Variants in INPP4B observed in about 807,000 individuals in gnomAD.
The protein encoded by INPP4B is inositol polyphosphate-4-phosphatase type II B.
INPP4B carries 55 observed loss-of-function variants against 122.5 expected under a neutral mutation model. The ratio of observed to expected loss-of-function variants is 0.45; its 90% CI spans 0.36 to 0.56. The LOEUF (loss-of-function observed/expected upper bound fraction) is 0.56, where lower values mean the gene tolerates loss of function less well. INPP4B is among the 20% of genes least tolerant of loss of function. The pLI, the probability that INPP4B is intolerant of heterozygous loss-of-function variation, is 0.00. For synonymous variants in INPP4B, 403 were observed against 388.7 expected (o/e 1.04, Z -0.43); for missense variants, 1,000 against 1,097.7 (o/e 0.91, Z 1.26).
At chr4:142,683,538 G>C (rs1444110399) in intron 2 of INPP4B, among the ~76,000 whole-genome samples, 1 of 151,516 alleles carries the variant, frequency 6.6e-6, no homozygotes, top group African/African-American at 2.4e-5. Flanking sequence ...AGCAGGACTA[G>C]TTTCATTCCC....
chr4:142,210,676 T>G (rs939088462), intron 12 of INPP4B, among the ~76,000 whole-genome samples: 5 of 152,264 alleles, frequency 3.3e-5, no homozygotes, highest in African/African-American at 1.2e-4. Flanking sequence ...CAACTTAATA[T>G]GCAAAGTTTC....
At chr4:142,358,280 T>C (rs1174132306) in intron 7 of INPP4B, among the ~76,000 whole-genome samples, 3 of 151,934 alleles carry the variant, frequency 2.0e-5, no homozygotes, top group Non-Finnish European at 4.4e-5. Flanking sequence ...ATTCTAGAGG[T>C]ATGCATTCCA....
At chr4:142,702,730 CAAAAAAAA>C (rs35472471) in intron 2 of INPP4B, among the ~76,000 whole-genome samples, 1 of 64,326 alleles carries the variant, frequency 1.6e-5, no homozygotes, top group Non-Finnish European at 2.9e-5. Flanking sequence ...AACTCCGTCT[CAAAAAAAA>C]AAAAAAAAAA....
chr4:142,479,793 C>A (rs1274231748), intron 2 of INPP4B, among the ~76,000 whole-genome samples: 1 of 152,020 alleles, frequency 6.6e-6, no homozygotes, highest in Admixed American at 6.6e-5. Flanking sequence ...GGAATAGATA[C>A]TGGGGCCTAT....
At chr4:142,460,022 T>C (rs1405584812) in intron 3 of INPP4B, among the ~76,000 whole-genome samples, 1 of 152,194 alleles carries the variant, frequency 6.6e-6, no homozygotes, top group African/African-American at 2.4e-5. Context: ...GTCTTAGATA[T>C]ATGTTCTCAA....
intron 2 of INPP4B, among the ~76,000 whole-genome samples, chr4:142,647,902 A>G (rs2150519000): frequency 6.6e-6 from 1 of 152,304 alleles, no homozygotes; most frequent in Middle Eastern, 3.4e-3. Context: ...GTTGTTTTCC[A>G]CCGTTTGTAG....
intron 2 of INPP4B, among the ~76,000 whole-genome samples, chr4:142,713,843 T>C (rs956730102): frequency 6.6e-6 from 1 of 152,182 alleles, no homozygotes; most frequent in Non-Finnish European, 1.5e-5. Context: ...CAAATGCTAA[T>C]GTGTTAAAGT....
chr4:142,146,511 A>C (rs533613330), intron 17 of INPP4B, among the ~76,000 whole-genome samples: 1 of 152,190 alleles, frequency 6.6e-6, no homozygotes, highest in African/African-American at 2.4e-5. Context: ...CCTAGACTGA[A>C]ACTCTGCACC....
At chr4:142,826,531 GCTAA>G (rs72509135) in intron 1 of INPP4B, among the ~76,000 whole-genome samples, 34,509 of 151,330 alleles carry the variant, frequency 0.23, 4,137 homozygotes, top group South Asian at 0.33. Context: ...TAAAACCAAA[GCTAA>G]CAAACAAAAC....
At chr4:142,669,856 G>A (rs141169403) in intron 2 of INPP4B, among the ~76,000 whole-genome samples, 96 of 152,196 alleles carry the variant, frequency 6.3e-4, no homozygotes, top group African/African-American at 2.0e-3. Context: ...GCCAGAAGAT[G>A]GAGAAAAGGG....
intron 16 of INPP4B, among the ~76,000 whole-genome samples, chr4:142,168,851 C>T (rs376300017): frequency 2.9e-4 from 44 of 151,596 alleles, no homozygotes; most frequent in African/African-American, 1.0e-3. Context: ...CAATCTTGGC[C>T]TCCCAAACTC....
intron 21 of INPP4B, among the ~76,000 whole-genome samples, chr4:142,114,748 T>G (rs62328207): frequency 2.0e-5 from 3 of 152,060 alleles, no homozygotes; most frequent in Non-Finnish European, 2.9e-5. Context: ...GTTCTTTTGA[T>G]GCTTAAATGT....
intron 10 of INPP4B, among the ~76,000 whole-genome samples, chr4:142,264,613 T>A (rs967488862): frequency 6.6e-6 from 1 of 152,192 alleles, no homozygotes; most frequent in African/African-American, 2.4e-5. Flanking sequence ...GTTCATAATA[T>A]GATTTATGGA....
chr4:142,838,891 A>G (rs752476774), intron 1 of INPP4B, among the ~76,000 whole-genome samples: 3 of 152,216 alleles, frequency 2.0e-5, no homozygotes, highest in Non-Finnish European at 4.4e-5. Flanking sequence ...CCAGTTCTCA[A>G]ACACACTCAC....
At chr4:142,466,691 T>C (rs1450933229) in intron 2 of INPP4B, among the ~76,000 whole-genome samples, 1 of 152,034 alleles carries the variant, frequency 6.6e-6, no homozygotes, top group Non-Finnish European at 1.5e-5. Context: ...TCTAATACAA[T>C]GGGAAAAAGG....
intron 9 of INPP4B, among the ~76,000 whole-genome samples, chr4:142,296,778 T>G (rs1758889289): frequency 6.6e-6 from 1 of 152,206 alleles, no homozygotes; most frequent in Non-Finnish European, 1.5e-5. Context: ...ATTTGCATGC[T>G]TTGCATTCTC....
At chr4:142,042,976 A>G (rs1749092654) in intron 25 of INPP4B, among the ~76,000 whole-genome samples, 1 of 152,066 alleles carries the variant, frequency 6.6e-6, no homozygotes, top group Non-Finnish European at 1.5e-5. Context: ...AACATCAAAC[A>G]CCACCATTAC....
chr4:142,649,633 A>T (rs1391733077), intron 2 of INPP4B, among the ~76,000 whole-genome samples: 1 of 152,200 alleles, frequency 6.6e-6, no homozygotes, highest in Non-Finnish European at 1.5e-5. Flanking sequence ...AGATCAAATT[A>T]ATGAAATGAA....
At chr4:142,641,632 G>T (rs1560906177) in intron 2 of INPP4B, among the ~76,000 whole-genome samples, 1 of 152,150 alleles carries the variant, frequency 6.6e-6, no homozygotes, top group Non-Finnish European at 1.5e-5. Context: ...GTATACCATG[G>T]TGTGTATGTG....
Sources: gnomAD v4.1 joint callset for allele counts (sites outside exome capture counted in the v4.1 genomes callset) on GRCh38, gnomAD v4.1.1 for gene constraint, MANE v1.5 for transcripts, NCBI Gene and HGNC (gene_info 2026-07-23, HGNC 2026-07-21) for gene names.